The following KIRREL3 variants were observed in gnomAD, a reference collection of about 807,000 sequenced individuals.
KIRREL3 encodes the protein kirre like nephrin family adhesion molecule 3.
A neutral mutation model predicts 89.7 loss-of-function variants in KIRREL3; 36 were observed. The observed-to-expected ratio is 0.40, with a 90% CI of 0.31 to 0.53. The LOEUF (loss-of-function observed/expected upper bound fraction) is 0.53, where lower values mean the gene tolerates loss of function less well. Among genes scored for constraint, KIRREL3 ranks in the 20% least tolerant of loss-of-function variants. KIRREL3 has a pLI of 0.49. For synonymous variants in KIRREL3, 445 were observed against 441.4 expected (o/e 1.01, Z -0.10); for missense variants, 864 against 1,056.6 (o/e 0.82, Z 2.53).
In KIRREL3 at chr11:126,970,642, A is replaced by C. The variant is rs533362522; in HGVS notation, c.55+29813T>G. Among the ~76,000 whole-genome samples the C allele has an allele frequency of 6.6e-6, 1 of 152,312 alleles. No homozygotes were observed. Among genetic ancestry groups the C allele is most frequent in the South Asian group, 2.1e-4 (1 of 4,824 alleles). ...TTGTGTACTCAGTTACCGAATTGCT[A>C]ATGAATTTACTAATGTTGTGATGGG... On this transcript the variant is annotated intron_variant, in intron 1 of 16. Coordinates refer to ENST00000525144, the MANE Select transcript of KIRREL3 (RefSeq NM_032531.4). This position sits in a 1 kb window ranked among gnomAD's most constrained non-coding sequence, Gnocchi z 4.4.
intron 1 of KIRREL3, among the ~76,000 whole-genome samples, chr11:126,777,334 T>C (rs1750583291): frequency 6.6e-6 from 1 of 152,114 alleles, no homozygotes. Context: ...GCACTGGGCC[T>C]GGCAGGTCTA....
At chr11:126,494,486 C>T (rs1439231905) in intron 4 of KIRREL3, among the ~76,000 whole-genome samples, 1 of 152,142 alleles carries the variant, frequency 6.6e-6, no homozygotes, top group Admixed American at 6.5e-5. Context: ...TGTTGCTGAT[C>T]CTATCTTTGT....
chr11:126,602,804 C>A (rs1010927378), intron 1 of KIRREL3, among the ~76,000 whole-genome samples: 1 of 152,106 alleles, frequency 6.6e-6, no homozygotes, highest in Non-Finnish European at 1.5e-5. Flanking sequence ...GGGCAGTTCG[C>A]GGGGCTGGGA....
At chr11:126,534,365 A>G (rs606708) in intron 2 of KIRREL3, among the ~76,000 whole-genome samples, 124,790 of 152,218 alleles carry the variant, frequency 0.82, 51,434 homozygotes, top group East Asian at 1. Flanking sequence ...CTGCGTGTGC[A>G]TGAACCTGCC....
At chr11:126,881,313 C>T (rs10790851) in intron 1 of KIRREL3, among the ~76,000 whole-genome samples, 93,704 of 152,028 alleles carry the variant, frequency 0.62, 30,408 homozygotes, top group African/African-American at 0.82. Context: ...CCTCTCCCCA[C>T]GTTCCTTCAG....
At chr11:126,458,319 T>C (rs1337197516) in intron 6 of KIRREL3, among the ~76,000 whole-genome samples, 1 of 152,200 alleles carries the variant, frequency 6.6e-6, no homozygotes, top group Non-Finnish European at 1.5e-5. Flanking sequence ...TCGGTCCCCA[T>C]GGGGGCACCA....
rs540254852 is a variant in KIRREL3 at position 126,475,243 on chromosome 11, G to A, written c.434-1777C>T. 2.8e-4 allele frequency among the ~76,000 whole-genome samples: 43 copies of A among 152,214 alleles called. No individual in the cohort carries two copies. The highest frequency in any genetic ancestry group is 8.4e-4 in the African/African-American group (35 of 41,544). On this transcript the variant is annotated intron_variant, in intron 4 of 16. Transcript: ENST00000525144. The surrounding 1 kb of genome is among the most constrained non-coding windows in gnomAD (Gnocchi z 7.5). ...TTCAGAGCTGAACAGTCACAGCTCC[G>A]GGCCCGTCCTGACTCCACTGGCTCA...
chr11:126,438,257 G>A lies in KIRREL3; in HGVS notation c.1354-1248C>T, dbSNP rs1489774759. Among the ~76,000 whole-genome samples the A allele has an allele frequency of 3.3e-5, 5 of 152,248 alleles. No homozygotes were observed. The East Asian group carries it at 7.7e-4, about 23-fold the overall frequency. On this transcript the variant is annotated intron_variant, in intron 11 of 16. Coordinates refer to ENST00000525144, the MANE Select transcript of KIRREL3 (RefSeq NM_032531.4). Reference sequence around the variant, plus strand: ...AATGTGTCTACAGAGCTGTGTTTGCGATCACCTTCGTCTGCCTTAGTTTAC... The same window carrying A: ...AATGTGTCTACAGAGCTGTGTTTGCAATCACCTTCGTCTGCCTTAGTTTAC...
intron 1 of KIRREL3, among the ~76,000 whole-genome samples, chr11:126,751,770 C>T (rs1456097281): frequency 1.3e-5 from 2 of 152,026 alleles, no homozygotes; most frequent in Non-Finnish European, 2.9e-5. Flanking sequence ...ATGAAAGAGG[C>T]TAAATAGGGA....
Position 126,612,785 on chromosome 11 carries a change from G to T in KIRREL3, c.56-49873C>A, listed in dbSNP as rs977256935. On this transcript the variant is annotated intron_variant, in intron 1 of 16. Transcript: ENST00000525144. This position sits in a 1 kb window ranked among gnomAD's most constrained non-coding sequence, Gnocchi z 4.5. ...TTTCACGTAACAAAATGCTTTCAAG[G>T]TTCCATCCCAGTTGCCACATGCATC... 6.6e-6 allele frequency among the ~76,000 whole-genome samples: 1 copy of T among 152,152 alleles called. No individual in the cohort carries two copies. The highest frequency in any genetic ancestry group is 1.5e-5 in the Non-Finnish European group (1 of 68,040).
At chr11:126,478,505 TTGTGTGTGTGTATGTG>T (rs929008006) in intron 4 of KIRREL3, among the ~76,000 whole-genome samples, 2 of 151,808 alleles carry the variant, frequency 1.3e-5, no homozygotes, top group Admixed American at 1.3e-4. Flanking sequence ...GTTTTAAATC[TTGTGTGTGTGTATGTG>T]TGTGTGTATA....
rs1025936658 is a variant in KIRREL3 at position 126,844,257 on chromosome 11, G to A, written c.55+156198C>T. Among the ~76,000 whole-genome samples the A allele has an allele frequency of 6.6e-6, 1 of 151,806 alleles. No individual in the cohort carries two copies. The highest frequency in any genetic ancestry group is 2.4e-5 in the African/African-American group (1 of 41,312). ...GAAGAGACAATACTGAGAAAACCCC[G>A]ACCCAAATGCTAACTTTGGGTAAGT... On this transcript the variant is annotated intron_variant, in intron 1 of 16. Transcript: ENST00000525144. This position sits in a 1 kb window ranked among gnomAD's most constrained non-coding sequence, Gnocchi z 4.8.
rs547701196 is a variant in KIRREL3, at chr11:126,572,902, T to C, written c.56-9990A>G. On this transcript the variant is annotated intron_variant, in intron 1 of 16. Coordinates refer to ENST00000525144, the MANE Select transcript of KIRREL3 (RefSeq NM_032531.4). ...ACGCTGACTTTAAAGAATTGATCAC[T>C]GGAGTCAGGCAGTCATGTCCAGCCC... is the stretch of plus-strand genomic sequence containing the variant. 4.6e-5 allele frequency among the ~76,000 whole-genome samples: 7 copies of C among 152,298 alleles called. No homozygotes were observed. In the South Asian group the frequency reaches 1.5e-3, roughly 32 times the overall value.
intron 1 of KIRREL3, among the ~76,000 whole-genome samples, chr11:126,975,346 C>T (rs1949536925): frequency 6.6e-6 from 1 of 152,118 alleles, no homozygotes; most frequent in East Asian, 1.9e-4. Context: ...GGGTTGACTG[C>T]CCACAAGGCC....
At chr11:126,450,273 G>A (rs1165997288) in intron 7 of KIRREL3, among the ~76,000 whole-genome samples, 1 of 152,170 alleles carries the variant, frequency 6.6e-6, no homozygotes, top group Non-Finnish European at 1.5e-5. Context: ...GTGTGTGCAT[G>A]TGTGAGCATG....
chr11:126,463,406 G>C lies in KIRREL3; in HGVS notation c.592-99C>G. ...ACGAGCACCAGCTTAGACAGAAGGG[G>C]GAGCTGTGGATGGAGGGGTTCAGCT... is the stretch of plus-strand genomic sequence containing the variant. On this transcript the variant is annotated intron_variant, in intron 5 of 16. Coordinates refer to ENST00000525144, the MANE Select transcript of KIRREL3 (RefSeq NM_032531.4). The surrounding 1 kb of genome is among the most constrained non-coding windows in gnomAD (Gnocchi z 5.9). The C allele has an allele frequency of 8.1e-7, 1 of 1,240,226 alleles. No homozygotes were observed. The highest frequency in any genetic ancestry group is 2.5e-5 in the East Asian group (1 of 40,016). 76.8% of individuals were successfully genotyped at this position (1,240,226 alleles called of 1,614,324 possible). A position where few individuals can be genotyped will look rare whatever the true frequency, so the allele number is the denominator to read the frequency against.
intron 1 of KIRREL3, among the ~76,000 whole-genome samples, chr11:126,667,843 C>T (rs1945731785): frequency 6.6e-6 from 1 of 152,156 alleles, no homozygotes; most frequent in South Asian, 2.1e-4. Context: ...GAAAGCTGCA[C>T]AAAAGGCCAC....
In KIRREL3 at chr11:126,724,790, C is replaced by T. The variant is rs61897898; in HGVS notation, c.56-161878G>A. Among the ~76,000 whole-genome samples, 11,483 of 152,226 alleles carry T rather than the reference C, an allele frequency of 0.075. 671 individuals carry two copies. Among genetic ancestry groups the T allele is most frequent in the African/African-American group, 0.16 (6,750 of 41,536 alleles). On this transcript the variant is annotated intron_variant, in intron 1 of 16. Transcript: ENST00000525144. This position sits in a 1 kb window ranked among gnomAD's most constrained non-coding sequence, Gnocchi z 4.3. ...TTAGATAAGAGTCAGGATTATTAGA[C>T]CTGCCTATGGGCCAAGGGTTCTTAC...
chr11:126,524,484 A>C (rs1362241670), intron 3 of KIRREL3, among the ~76,000 whole-genome samples: 1 of 152,250 alleles, frequency 6.6e-6, no homozygotes, highest in Non-Finnish European at 1.5e-5. Context: ...CCTGTCAAAC[A>C]AAGGGGAAAA....
Sources: gnomAD v4.1 joint callset for allele counts (sites outside exome capture counted in the v4.1 genomes callset) on GRCh38, gnomAD v4.1.1 for gene constraint, Gnocchi (gnomAD v3.1) non-coding constraint, MANE v1.5 for transcripts, NCBI Gene and HGNC (gene_info 2026-07-23, HGNC 2026-07-21) for gene names.